ALDH2: variants seen among roughly 807,000 people sequenced by gnomAD.
The protein encoded by ALDH2 is aldehyde dehydrogenase 2 family member.
Under a neutral mutation model 59.6 loss-of-function variants are expected in ALDH2, and 44 were observed. The observed-to-expected ratio is 0.74, with a 90% confidence interval of 0.58 to 0.95. ALDH2 has a LOEUF of 0.95. Among genes scored for constraint, ALDH2 ranks in the 40% least tolerant of loss-of-function variants. ALDH2 has a pLI of 0.00. For synonymous variants in ALDH2, 291 were observed against 284.0 expected (o/e 1.02, Z -0.25); for missense variants, 570 against 696.3 (o/e 0.82, Z 2.04).
chr12:111,798,253 G>A lies in ALDH2; in HGVS notation c.1248+11G>A. 1.3e-6 allele frequency: 2 copies of A among 1,543,796 alleles called. No individual in the cohort carries two copies. The highest frequency in any genetic ancestry group is 1.7e-6 in the Non-Finnish European group (2 of 1,144,490). On this transcript the variant is annotated intron_variant, in intron 10 of 12. Coordinates refer to ENST00000261733, the MANE Select transcript of ALDH2 (RefSeq NM_000690.4). ...ATCGCCAAGGAGGAGGTGAGCACTT[G>A]GGGCCAGTGCTCTGGAAACATTCTT...
chr12:111,779,463 T>TTTTGTCCC (rs2068256143), intron 1 of ALDH2, among the ~76,000 whole-genome samples: 1 of 152,186 alleles, frequency 6.6e-6, no homozygotes, highest in Non-Finnish European at 1.5e-5. Context: ...GTGCTGGGAC[T>TTTTGTCCC]ACAGGTGTGA....
chr12:111,774,533 T>C (rs1315863497), intron 1 of ALDH2, among the ~76,000 whole-genome samples: 1 of 152,158 alleles, frequency 6.6e-6, no homozygotes, highest in African/African-American at 2.4e-5. Context: ...AGGTAACATG[T>C]CCAGTTCTCT....
chr12:111,796,798 G>A (rs1423815834), intron 9 of ALDH2, among the ~76,000 whole-genome samples: 2 of 151,904 alleles, frequency 1.3e-5, no homozygotes, highest in African/African-American at 2.4e-5. Context: ...CCAGCTACTC[G>A]GGAGACTGAG....
At chr12:111,787,075 G>A (rs756955888) in intron 4 of ALDH2, among the ~76,000 whole-genome samples, 43 of 152,110 alleles carry the variant, frequency 2.8e-4, no homozygotes, top group African/African-American at 7.0e-4. Flanking sequence ...CAGTAGTGGC[G>A]CATGCCTGTA....
intron 12 of ALDH2, among the ~76,000 whole-genome samples, chr12:111,804,272 C>T (rs1007085482): frequency 2.0e-5 from 3 of 152,120 alleles, no homozygotes; most frequent in African/African-American, 4.8e-5. Context: ...GGGTAAAGAC[C>T]CAGCCTCTGC....
chr12:111,798,254 G>T lies in ALDH2; in HGVS notation c.1248+12G>T. ...TCGCCAAGGAGGAGGTGAGCACTTG[G>T]GGCCAGTGCTCTGGAAACATTCTTG... On this transcript the variant is annotated intron_variant, in intron 10 of 12. Transcript: ENST00000261733. 6.5e-7 allele frequency: 1 copy of T among 1,536,314 alleles called. No individual in the cohort carries two copies. Among genetic ancestry groups the T allele is most frequent in the Non-Finnish European group, 8.8e-7 (1 of 1,141,594 alleles).
At position 111,781,947 on chromosome 12, in the gene ALDH2, C is replaced by T. The variant is rs769828747; in HGVS notation, c.144C>T (p.Ala48=). 8.1e-6 allele frequency: 13 copies of T among 1,613,724 alleles called. No homozygotes were observed. The highest frequency in any genetic ancestry group is 1.6e-4 in the Middle Eastern group (1 of 6,084). Reference sequence around the variant, plus strand: ...TCATAAACAATGAATGGCACGATGCCGTCAGCAGGAAAACATTCCCCACCG... The same window carrying T: ...TCATAAACAATGAATGGCACGATGCTGTCAGCAGGAAAACATTCCCCACCG... The part of the protein sequence containing the change: ...QIFINNEWHD[A]VSRKTFPTVN... The change falls in exon 2 of 13, where the codon GCC becomes GCT. Residue 48 remains alanine (A), a synonymous_variant. Transcript: ENST00000261733.
At chr12:111,779,552 C>T (rs1055205756) in intron 1 of ALDH2, among the ~76,000 whole-genome samples, 1 of 152,204 alleles carries the variant, frequency 6.6e-6, no homozygotes, top group African/African-American at 2.4e-5. Context: ...GAGCCTCACT[C>T]CAGGCTTTGC....
intron 4 of ALDH2, among the ~76,000 whole-genome samples, chr12:111,786,205 A>C (rs549019990): frequency 2.0e-5 from 3 of 152,242 alleles, no homozygotes; most frequent in African/African-American, 7.2e-5. Context: ...GGTTTGGTTT[A>C]ATCAAAAATG....
At chr12:111,790,831 G>T (rs2068352219) in intron 6 of ALDH2, among the ~76,000 whole-genome samples, 1 of 152,136 alleles carries the variant, frequency 6.6e-6, no homozygotes. Flanking sequence ...AAAGCAGGAG[G>T]GTTGCTTGAG....
chr12:111,788,866 A>C (rs1262881329), intron 4 of ALDH2, among the ~76,000 whole-genome samples: 1 of 152,096 alleles, frequency 6.6e-6, no homozygotes, highest in Non-Finnish European at 1.5e-5. Context: ...TTAGCCAGGC[A>C]TGGTGACATG....
At chr12:111,771,181 A>T (rs1159165273) in intron 1 of ALDH2, among the ~76,000 whole-genome samples, 1 of 151,950 alleles carries the variant, frequency 6.6e-6, no homozygotes, top group Non-Finnish European at 1.5e-5. Context: ...AGATTGCTTA[A>T]CCCCAGGAGT....
At chr12:111,791,124 C>T (rs140459222) in intron 6 of ALDH2, among the ~76,000 whole-genome samples, 182 bp from the exon 7 acceptor site, 177 of 152,260 alleles carry the variant, frequency 1.2e-3, no homozygotes, top group African/African-American at 4.0e-3. Context: ...GGAACCCCAG[C>T]GAACAGACTC....
At chr12:111,777,028 A>T (rs1217543016) in intron 1 of ALDH2, among the ~76,000 whole-genome samples, 1 of 152,176 alleles carries the variant, frequency 6.6e-6, no homozygotes, top group Non-Finnish European at 1.5e-5. Context: ...TCAGTAAGTA[A>T]ACCATAAAGA....
chr12:111,789,975 G>A (rs772821114), intron 5 of ALDH2, 41 bp downstream of exon 5: 2 of 1,580,458 alleles, frequency 1.3e-6, no homozygotes, highest in Admixed American at 3.4e-5. Context: ...GGTGCCCTGA[G>A]ATTTGGCAGT....
chr12:111,815,129 C>A lies in ALDH2; in HGVS notation c.*5554C>A, dbSNP rs2068562037. The A allele has an allele frequency of 6.6e-6, 1 of 152,198 alleles. No individual in the cohort carries two copies. Among genetic ancestry groups the A allele is most frequent in the Non-Finnish European group, 1.5e-5 (1 of 68,030 alleles). 9.4% of individuals were successfully genotyped at this position (152,198 alleles called of 1,614,324 possible). ...GTAAATCTGATGCCCAATCCTGTGG[C>A]CCCAAGAAGTATTAACTGTGCACCC... On this transcript the variant is annotated 3_prime_UTR_variant, in exon 13 of 13. Transcript: ENST00000261733.
chr12:111,789,921 G>C lies in ALDH2; in HGVS notation c.539G>C (p.Gly180Ala), dbSNP rs1168388936. The stretch of plus-strand genomic sequence containing the variant: ...CGCCATGAACCTGTGGGGGTGTGCG[G>C]GCAGATCATTCCGGTGAGTCCAGCC... ...YTRHEPVGVC[G>A]QIIPWNFPLL... Residue 180 changes from glycine (G) to alanine (A), a missense_variant, in exon 5 of 13, where the codon GGG becomes GCG. Gly to Ala is a moderately conservative substitution (Grantham distance 60). Transcript: ENST00000261733. 1 of 1,614,174 alleles carries C rather than the reference G, an allele frequency of 6.2e-7. No homozygotes were observed.
intron 3 of ALDH2, among the ~76,000 whole-genome samples, 182 bp downstream of exon 3, chr12:111,783,480 C>T (rs2068288616): frequency 6.6e-6 from 1 of 152,094 alleles, no homozygotes; most frequent in Non-Finnish European, 1.5e-5. Context: ...CCAGAGGAGC[C>T]TTTCAGTGTC....
In ALDH2 at chr12:111,817,127, G is replaced by A. The variant is rs541894389; in HGVS notation, c.*7552G>A. Reference sequence around the variant, plus strand: ...TTTTATTCTGAAGTGGCCATGCTTGGTTGGCTATACGCATCCAGTTTTCCA... The same window carrying A: ...TTTTATTCTGAAGTGGCCATGCTTGATTGGCTATACGCATCCAGTTTTCCA... On this transcript the variant is annotated 3_prime_UTR_variant, in exon 13 of 13. Transcript: ENST00000261733. 3.9e-4 allele frequency: 59 copies of A among 152,350 alleles called. No homozygotes were observed. The highest frequency in any genetic ancestry group is 1.4e-3 in the African/African-American group (59 of 41,582). 9.4% of individuals were successfully genotyped at this position (152,350 alleles called of 1,614,324 possible).
Sources: allele counts gnomAD v4.1 joint callset (sites outside exome capture counted in the v4.1 genomes callset), GRCh38; gene constraint gnomAD v4.1.1; transcripts MANE v1.5; gene names NCBI Gene and HGNC (gene_info 2026-07-23, HGNC 2026-07-21).